MTCL1: variants seen among roughly 807,000 people sequenced by gnomAD.
MTCL1 encodes the protein microtubule cross-linking factor 1.
A neutral mutation model predicts 141.4 loss-of-function variants in MTCL1; 79 were observed. The ratio of observed to expected loss-of-function variants is 0.56; its 90% confidence interval spans 0.47 to 0.67. The LOEUF is 0.67. Among genes scored for constraint, MTCL1 ranks in the 30% least tolerant of loss-of-function variants. MTCL1 has a pLI of 0.00. For synonymous variants in MTCL1, 914 were observed against 875.8 expected (o/e 1.04, Z -0.77); for missense variants, 2,177 against 2,113.9 (o/e 1.03, Z -0.59).
intron 13 of MTCL1, among the ~76,000 whole-genome samples, chr18:8,819,624 A>T (rs937105146): frequency 6.6e-6 from 1 of 152,180 alleles, no homozygotes. Flanking sequence ...TTTTTTGGAG[A>T]TGGAGGTCTC....
intron 9 of MTCL1, among the ~76,000 whole-genome samples, 185 bp downstream of exon 8, chr18:8,796,647 T>A (rs1015656739): frequency 6.6e-6 from 1 of 152,186 alleles, no homozygotes; most frequent in Non-Finnish European, 1.5e-5. Flanking sequence ...AAGAGAAAAT[T>A]GAGCACAGGT....
At chr18:8,783,474 C>T (rs1296729815) in intron 5 of MTCL1, 56 bp from the exon 5 acceptor site, 8 of 1,466,256 alleles carry the variant, frequency 5.5e-6, no homozygotes, top group Non-Finnish European at 7.3e-6. Context: ...TCATGAAAAA[C>T]ACGAACATTT....
At chr18:8,739,479 A>G (rs547467398) in intron 4 of MTCL1, among the ~76,000 whole-genome samples, 4 of 152,180 alleles carry the variant, frequency 2.6e-5, no homozygotes, top group Non-Finnish European at 5.9e-5. Context: ...GAGACACCCT[A>G]CACTGCCTAG....
chr18:8,767,105 G>T (rs1316918423), intron 4 of MTCL1, among the ~76,000 whole-genome samples: 1 of 152,168 alleles, frequency 6.6e-6, no homozygotes, highest in Non-Finnish European at 1.5e-5. Context: ...TGATGGAGGA[G>T]GGAGGGTTTT....
At chr18:8,823,206 A>G (rs2076904640) in intron 14 of MTCL1, among the ~76,000 whole-genome samples, 2 of 151,664 alleles carry the variant, frequency 1.3e-5, no homozygotes, top group South Asian at 2.1e-4. Flanking sequence ...GGGTTTTCTC[A>G]TCATGGTTTT....
In MTCL1 at chr18:8,830,168, G is replaced by A. The variant is rs2077152489; in HGVS notation, c.*18+1204G>A. 2.0e-6 allele frequency: 2 copies of A among 985,404 alleles called. No homozygotes were observed. The highest frequency in any genetic ancestry group is 2.4e-6 in the Non-Finnish European group (2 of 830,018). The allele number at this position is 985,404 out of a possible 1,614,324, so 61.0% of individuals were successfully genotyped here. A position where few individuals can be genotyped will look rare whatever the true frequency, so the allele number is the denominator to read the frequency against. ...AGCACTGTGGGCTGCAGTGAGATGA[G>A]GACACAGGAGCACCTTGGGTTAGTC... On this transcript the variant is annotated intron_variant, in intron 16 of 16. Coordinates refer to ENST00000359865, the Ensembl canonical transcript of MTCL1. This position sits in a 1 kb window ranked among gnomAD's most constrained non-coding sequence, Gnocchi z 6.4.
upstream of MTCL1, among the ~76,000 whole-genome samples, chr18:8,713,686 G>A (rs1244639778): frequency 6.6e-6 from 1 of 152,184 alleles, no homozygotes; most frequent in Non-Finnish European, 1.5e-5. Context: ...GGCTCTCTGG[G>A]AAGAGTTGAA....
At chr18:8,821,235 G>C (rs2076835764) in intron 13 of MTCL1, among the ~76,000 whole-genome samples, 1 of 152,190 alleles carries the variant, frequency 6.6e-6, no homozygotes, top group South Asian at 2.1e-4. Flanking sequence ...ACTCATGTGG[G>C]CTTCTCCCTG....
exon 1 of MTCL1, chr18:8,706,412 C>A (rs1301982039): frequency 1.6e-6 from 2 of 1,227,738 alleles, no homozygotes; most frequent in African/African-American, 3.1e-5. Flanking sequence ...GGAGCGCCGA[C>A]GCCGAGCCCC....
intron 6 of MTCL1, 98 bp downstream of exon 5, chr18:8,784,941 G>T (rs1384951917): frequency 1.0e-5 from 12 of 1,145,810 alleles, no homozygotes; most frequent in Non-Finnish European, 1.4e-5. Flanking sequence ...ACGGCTGCTT[G>T]GTTATGATTT....
At chr18:8,789,532 A>G (rs139170934) in intron 7 of MTCL1, 5 of 985,406 alleles carry the variant, frequency 5.1e-6, no homozygotes, top group South Asian at 4.7e-5. Flanking sequence ...GCCTTTGTCA[A>G]TCAGTGTGGG....
intron 4 of MTCL1, among the ~76,000 whole-genome samples, chr18:8,756,956 T>A (rs1466264842): frequency 1.3e-5 from 2 of 152,206 alleles, no homozygotes; most frequent in Non-Finnish European, 2.9e-5. Context: ...CAAAGGGCAC[T>A]GCAGACACCC....
chr18:8,744,231 T>C (rs2096322499), intron 4 of MTCL1, among the ~76,000 whole-genome samples: 1 of 152,272 alleles, frequency 6.6e-6, no homozygotes, highest in Non-Finnish European at 1.5e-5. Context: ...TGCATGCGGT[T>C]AGCTGCCAGG....
intron 11 of MTCL1, among the ~76,000 whole-genome samples, chr18:8,808,548 A>T (rs946659830): frequency 3.9e-5 from 6 of 152,228 alleles, no homozygotes; most frequent in African/African-American, 1.4e-4. Flanking sequence ...TCTTCTGCCC[A>T]AATCATTTAG....
intron 4 of MTCL1, among the ~76,000 whole-genome samples, chr18:8,774,274 GTA>G (rs1555648586): frequency 6.7e-6 from 1 of 150,192 alleles, no homozygotes; most frequent in Non-Finnish European, 1.5e-5. Context: ...GTGTGTGTGT[GTA>G]TTTTTTTTTA....
chr18:8,830,608 C>T lies in MTCL1; in HGVS notation c.*19-999C>T. 1 of 985,840 alleles carries T rather than the reference C, an allele frequency of 1.0e-6. No individual in the cohort carries two copies. The highest frequency in any genetic ancestry group is 1.2e-6 in the Non-Finnish European group (1 of 830,238). 61.1% of individuals were successfully genotyped at this position (985,840 alleles called of 1,614,324 possible). A position where few individuals can be genotyped will look rare whatever the true frequency, so the allele number is the denominator to read the frequency against. Reference sequence around the variant, plus strand: ...GCTTGTCACATCTTTTTAAATCCTCCAACTCACTTCCTTTCTTTGAGGGTC... The same window carrying T: ...GCTTGTCACATCTTTTTAAATCCTCTAACTCACTTCCTTTCTTTGAGGGTC... On this transcript the variant is annotated intron_variant, in intron 16 of 16. Transcript: ENST00000359865. The surrounding 1 kb of genome is among the most constrained non-coding windows in gnomAD (Gnocchi z 6.4).
intron 4 of MTCL1, among the ~76,000 whole-genome samples, chr18:8,771,989 A>G (rs775285): frequency 0.37 from 55,546 of 152,132 alleles, 11,823 homozygotes; most frequent in African/African-American, 0.58. Flanking sequence ...TGACTAATGT[A>G]CACGCAAATT....
At chr18:8,798,316 C>T (rs761781199) in intron 10 of MTCL1, 25 bp downstream of exon 9, 3 of 1,469,230 alleles carry the variant, frequency 2.0e-6, no homozygotes, top group East Asian at 2.7e-5. Flanking sequence ...CCGAGCCTGT[C>T]GCCCTGCCCA....
intron 4 of MTCL1, among the ~76,000 whole-genome samples, chr18:8,774,642 G>A (rs569006230): frequency 1.3e-5 from 2 of 151,988 alleles, no homozygotes; most frequent in Non-Finnish European, 2.9e-5. Context: ...CGTAAGCCAC[G>A]ACGCCCAGCT....
Sources: allele counts gnomAD v4.1 joint callset (sites outside exome capture counted in the v4.1 genomes callset), GRCh38; gene constraint gnomAD v4.1.1; non-coding constraint Gnocchi (gnomAD v3.1); transcripts MANE v1.5; gene names NCBI Gene and HGNC (gene_info 2026-07-23, HGNC 2026-07-21).